The following SGCZ variants were observed in gnomAD, a reference collection of about 807,000 sequenced individuals.
SGCZ encodes the protein sarcoglycan zeta, also known as zeta-sarcoglycan.
SGCZ carries 40 observed loss-of-function variants against 41.3 expected under a neutral mutation model. That is an observed-to-expected ratio of 0.97 (90% CI 0.75 to 1.26). SGCZ has a LOEUF of 1.26. Ranked by LOEUF, SGCZ falls within the 50% of genes most tolerant of loss-of-function variation. The pLI, the probability that SGCZ is intolerant of heterozygous loss-of-function variation, is 0.00. For synonymous variants in SGCZ, 206 were observed against 137.5 expected, an observed-to-expected ratio of 1.50 and a Z score of -3.49; for missense variants, 552 against 369.8, an observed-to-expected ratio of 1.49 and a Z score of -4.04.
chr8:14,614,812 A>T (rs1359264786), intron 1 of SGCZ, among the ~76,000 whole-genome samples: 1 of 152,160 alleles, frequency 6.6e-6, no homozygotes, highest in Non-Finnish European at 1.5e-5. Context: ...CTAATAAACT[A>T]AGAAAAATGA....
intron 1 of SGCZ, among the ~76,000 whole-genome samples, chr8:14,815,603 C>G (rs1015401004): frequency 2.2e-4 from 34 of 152,232 alleles, no homozygotes; most frequent in African/African-American, 7.5e-4. Flanking sequence ...TCACTAGTAC[C>G]ACACAGAGTA....
intron 1 of SGCZ, among the ~76,000 whole-genome samples, chr8:14,567,870 G>C (rs958358741): frequency 6.6e-6 from 1 of 152,168 alleles, no homozygotes; most frequent in Non-Finnish European, 1.5e-5. Flanking sequence ...GAGCCAGAGA[G>C]ACCACGAATC....
intron 1 of SGCZ, among the ~76,000 whole-genome samples, chr8:15,236,880 C>G (rs7832880): frequency 1.0e-3 from 156 of 152,184 alleles, no homozygotes; most frequent in African/African-American, 3.6e-3. Context: ...CCGCAGATGC[C>G]GCCCCTACCA....
chr8:15,028,736 C>A (rs528138081), intron 1 of SGCZ, among the ~76,000 whole-genome samples: 1 of 151,976 alleles, frequency 6.6e-6, no homozygotes, highest in Admixed American at 6.6e-5. Flanking sequence ...TTTCTGGATG[C>A]GAGAGATAGG....
chr8:14,768,599 GC>G (rs1800119716), intron 1 of SGCZ, among the ~76,000 whole-genome samples: 1 of 152,134 alleles, frequency 6.6e-6, no homozygotes, highest in Non-Finnish European at 1.5e-5. Flanking sequence ...GGCCTCATGG[GC>G]CTGCATCCCT....
intron 1 of SGCZ, among the ~76,000 whole-genome samples, chr8:14,581,358 C>T (rs879003108): frequency 2.6e-5 from 4 of 152,104 alleles, no homozygotes; most frequent in Non-Finnish European, 2.9e-5. Flanking sequence ...CAGCCCACCT[C>T]GACCTTCCAA....
intron 2 of SGCZ, among the ~76,000 whole-genome samples, chr8:14,536,783 C>T (rs1803310415): frequency 6.6e-6 from 1 of 151,718 alleles, no homozygotes; most frequent in Non-Finnish European, 1.5e-5. Context: ...TCCCATTCAA[C>T]CTTAATTTCA....
At chr8:14,366,007 C>G (rs1442607681) in intron 2 of SGCZ, among the ~76,000 whole-genome samples, 1 of 152,010 alleles carries the variant, frequency 6.6e-6, no homozygotes, top group Non-Finnish European at 1.5e-5. Flanking sequence ...GATTTTCTTT[C>G]TACATTTTTG....
intron 1 of SGCZ, among the ~76,000 whole-genome samples, chr8:15,201,569 T>C (rs1463394475): frequency 1.3e-5 from 2 of 152,188 alleles, no homozygotes; most frequent in East Asian, 1.9e-4. Context: ...GTTGGAACCA[T>C]ACAAATCACC....
At chr8:14,170,343 A>G (rs556774884) in intron 4 of SGCZ, among the ~76,000 whole-genome samples, 1 of 152,256 alleles carries the variant, frequency 6.6e-6, no homozygotes, top group African/African-American at 2.4e-5. Context: ...TTCTATTTAG[A>G]CAATTTCAAA....
intron 1 of SGCZ, among the ~76,000 whole-genome samples, chr8:15,208,888 C>CT: frequency 1.6e-5 from 1 of 64,468 alleles, no homozygotes; most frequent in Admixed American, 1.7e-4. Flanking sequence ...TACACATATC[C>CT]CTATACATAT....
chr8:15,169,157 C>T (rs989555963), intron 1 of SGCZ, among the ~76,000 whole-genome samples: 3 of 152,194 alleles, frequency 2.0e-5, no homozygotes, highest in East Asian at 1.9e-4. Flanking sequence ...CTCTGACTGC[C>T]GCTTCCCCCA....
At chr8:14,875,248 G>A (rs1426571001) in intron 1 of SGCZ, among the ~76,000 whole-genome samples, 2 of 152,170 alleles carry the variant, frequency 1.3e-5, no homozygotes, top group Admixed American at 6.6e-5. Flanking sequence ...ACACAGAAAG[G>A]TCAAGAGGGT....
intron 5 of SGCZ, among the ~76,000 whole-genome samples, chr8:14,119,112 C>T (rs527439631): frequency 6.6e-6 from 1 of 151,958 alleles, no homozygotes. Context: ...GTCATTGGTA[C>T]CTTGATGGGG....
At chr8:14,124,298 T>C (rs1802786682) in intron 5 of SGCZ, among the ~76,000 whole-genome samples, 1 of 152,156 alleles carries the variant, frequency 6.6e-6, no homozygotes, top group African/African-American at 2.4e-5. Flanking sequence ...TCTCTCTCTC[T>C]CCCTTTTTAC....
chr8:14,115,042 T>G lies in SGCZ; in HGVS notation c.548-6807A>C, dbSNP rs924473121. 1.6e-4 allele frequency among the ~76,000 whole-genome samples: 24 copies of G among 151,988 alleles called. No homozygotes were observed. The South Asian group carries it at 3.5e-3, about 22-fold the overall frequency. ...AATAATCCATTTTCTAATTCCTACC[T>G]CCAAAAAAAATGAAAAAATTACAGT... On this transcript the variant is annotated intron_variant, in intron 5 of 7. Coordinates refer to ENST00000382080, the MANE Select transcript of SGCZ (RefSeq NM_139167.4).
At chr8:14,659,034 G>A (rs999582638) in intron 1 of SGCZ, among the ~76,000 whole-genome samples, 3 of 151,980 alleles carry the variant, frequency 2.0e-5, no homozygotes, top group African/African-American at 7.3e-5. Flanking sequence ...AAAACTATGA[G>A]CTCAATCTTT....
At chr8:14,545,762 C>G (rs997277985) in intron 2 of SGCZ, among the ~76,000 whole-genome samples, 2 of 152,156 alleles carry the variant, frequency 1.3e-5, no homozygotes, top group African/African-American at 4.8e-5. Context: ...TATATCAAAC[C>G]TATCAACTAA....
chr8:14,761,026 G>A (rs926186785), intron 1 of SGCZ, among the ~76,000 whole-genome samples: 2 of 152,114 alleles, frequency 1.3e-5, no homozygotes, highest in Admixed American at 6.5e-5. Flanking sequence ...AAGATAAGTT[G>A]CAACACAATC....
Sources: gnomAD v4.1 joint callset for allele counts (sites outside exome capture counted in the v4.1 genomes callset) on GRCh38, gnomAD v4.1.1 for gene constraint, MANE v1.5 for transcripts, NCBI Gene and HGNC (gene_info 2026-07-23, HGNC 2026-07-21) for gene names.